NECAB1: variants seen among roughly 807,000 people sequenced by gnomAD.
The protein encoded by NECAB1 is N-terminal EF-hand calcium-binding protein 1.
A neutral mutation model predicts 57.5 loss-of-function variants in NECAB1; 29 were observed. The observed-to-expected ratio is 0.50, with a 90% CI of 0.38 to 0.69. The LOEUF (loss-of-function observed/expected upper bound fraction) is 0.69. Among genes scored for constraint, NECAB1 ranks in the 30% least tolerant of loss-of-function variants. NECAB1 has a pLI of 0.00. For missense variants in NECAB1, 372 were observed against 413.8 expected (o/e 0.90, Z 0.88); for synonymous variants, 142 against 147.7 (o/e 0.96, Z 0.28).
intron 6 of NECAB1, among the ~76,000 whole-genome samples, chr8:90,919,628 G>T (rs1170170063): frequency 6.6e-6 from 1 of 152,040 alleles, no homozygotes; most frequent in Admixed American, 6.6e-5. Flanking sequence ...ATACCAAATG[G>T]CAAAGTATAA....
Position 90,896,930 on chromosome 8 carries a change from C to G in NECAB1, c.357+15800C>G, listed in dbSNP as rs559311437. On this transcript the variant is annotated intron_variant, in intron 5 of 12. Coordinates refer to ENST00000417640, the MANE Select transcript of NECAB1 (RefSeq NM_022351.5). ...TTAGAATTAGTTTAGCCTGTGAGGT[C>G]TAACCCTAGCCAATAGGGGAACGAC... is the stretch of plus-strand genomic sequence containing the variant. 4.6e-5 allele frequency among the ~76,000 whole-genome samples: 7 copies of G among 152,274 alleles called. No individual in the cohort carries two copies. The South Asian group carries it at 1.5e-3, about 32-fold the overall frequency.
In NECAB1 at chr8:90,844,806, C is replaced by T. The variant is rs373117098; in HGVS notation, c.233+19981C>T. On this transcript the variant is annotated intron_variant, in intron 3 of 12. Coordinates refer to ENST00000417640, the MANE Select transcript of NECAB1 (RefSeq NM_022351.5). ...AGCTACGTTCTTCTAAATCTTTTCT[C>T]TTACACCTGGGTCTAGACTTTTTTA... Among the ~76,000 whole-genome samples, 12 of 152,186 alleles carry T rather than the reference C, an allele frequency of 7.9e-5. No homozygotes were observed. The East Asian group carries it at 1.5e-3, about 19-fold the overall frequency.
rs536315542 is a variant in NECAB1, at chr8:90,872,185, T to C, written c.259+32T>C. 7.0e-5 allele frequency: 105 copies of C among 1,507,776 alleles called. 2 individuals carry two copies. The South Asian group carries it at 1.2e-3, about 17-fold the overall frequency. The allele number at this position is 1,507,776 out of a possible 1,614,324, so 93.4% of individuals were successfully genotyped here. On this transcript the variant is annotated intron_variant, in intron 4 of 12. Coordinates refer to ENST00000417640, the MANE Select transcript of NECAB1 (RefSeq NM_022351.5). ...GTTTCTTTAAGATCAGTCAAACCTA[T>C]TACTTGCTTAAGAAGGAAAAAGAGT...
intron 9 of NECAB1, among the ~76,000 whole-genome samples, chr8:90,937,670 A>C (rs1810569794): frequency 6.6e-6 from 1 of 152,182 alleles, no homozygotes; most frequent in South Asian, 2.1e-4. Flanking sequence ...TCTTCATTCA[A>C]AGGTTTTTAA....
At chr8:90,890,661 T>A (rs1000729540) in intron 5 of NECAB1, among the ~76,000 whole-genome samples, 9 of 152,154 alleles carry the variant, frequency 5.9e-5, no homozygotes, top group Admixed American at 1.3e-4. Context: ...ATGGTCACCC[T>A]AAAACAAGTT....
rs368596425 is a variant in NECAB1 at position 90,932,572 on chromosome 8, T to A, written c.694-1732T>A. On this transcript the variant is annotated intron_variant, in intron 8 of 12. Coordinates refer to ENST00000417640, the MANE Select transcript of NECAB1 (RefSeq NM_022351.5). ...TGATATTCGAGTTGAGATGTGAAAG[T>A]CAAGAAGAAGGCAGCTATGTAAAGA... Among the ~76,000 whole-genome samples, 7 of 152,236 alleles carry A rather than the reference T, an allele frequency of 4.6e-5. No individual in the cohort carries two copies. The East Asian group carries it at 5.8e-4, about 13-fold the overall frequency.
intron 3 of NECAB1, among the ~76,000 whole-genome samples, chr8:90,825,572 A>G (rs1586042786): frequency 1.3e-5 from 2 of 151,824 alleles, no homozygotes; most frequent in Non-Finnish European, 2.9e-5. Context: ...CAGTGTGTCC[A>G]TTGCTTGAAA....
chr8:90,843,140 CA>C (rs1812484066), intron 3 of NECAB1, among the ~76,000 whole-genome samples: 1 of 152,132 alleles, frequency 6.6e-6, no homozygotes, highest in South Asian at 2.1e-4. Flanking sequence ...ATAAAACCAT[CA>C]GATCTTGTGA....
intron 3 of NECAB1, among the ~76,000 whole-genome samples, chr8:90,844,273 G>A (rs1563502800): frequency 6.6e-6 from 1 of 151,978 alleles, no homozygotes; most frequent in Non-Finnish European, 1.5e-5. Context: ...CTTGACCTTT[G>A]GTTAGTAGTT....
At chr8:90,944,807 A>G (rs576091854) in intron 10 of NECAB1, among the ~76,000 whole-genome samples, 21 of 152,346 alleles carry the variant, frequency 1.4e-4, no homozygotes, top group Non-Finnish European at 2.8e-4. Flanking sequence ...TCAAGGGCCT[A>G]AGGAATATGA....
At chr8:90,932,749 T>G (rs1424470463) in intron 8 of NECAB1, among the ~76,000 whole-genome samples, 4 of 152,218 alleles carry the variant, frequency 2.6e-5, no homozygotes, top group Non-Finnish European at 5.9e-5. Flanking sequence ...AGTCTGGATT[T>G]CTACAGTTTT....
At chr8:90,919,365 C>G (rs1308490440) in intron 6 of NECAB1, among the ~76,000 whole-genome samples, 1 of 152,170 alleles carries the variant, frequency 6.6e-6, no homozygotes, top group Non-Finnish European at 1.5e-5. Context: ...AATAGACTAC[C>G]CTGCAGGACC....
At chr8:90,877,703 T>C (rs1006662942) in intron 4 of NECAB1, among the ~76,000 whole-genome samples, 2 of 152,202 alleles carry the variant, frequency 1.3e-5, no homozygotes, top group African/African-American at 2.4e-5. Context: ...AGGATTCTGA[T>C]GCAGGTGGTC....
At chr8:90,894,239 T>G (rs1398536901) in intron 5 of NECAB1, among the ~76,000 whole-genome samples, 1 of 152,208 alleles carries the variant, frequency 6.6e-6, no homozygotes, top group Non-Finnish European at 1.5e-5. Context: ...CAGAGACCAA[T>G]TCTTCCTTAA....
At chr8:90,877,356 G>A (rs748726315) in intron 4 of NECAB1, among the ~76,000 whole-genome samples, 20 of 152,060 alleles carry the variant, frequency 1.3e-4, no homozygotes, top group Non-Finnish European at 2.9e-4. Context: ...TCTGATAGGA[G>A]AATTTGAGGA....
chr8:90,813,928 A>T (rs1441119177), intron 2 of NECAB1, among the ~76,000 whole-genome samples: 4 of 152,244 alleles, frequency 2.6e-5, no homozygotes, highest in African/African-American at 9.6e-5. Context: ...TTAGTATGGT[A>T]CATTTGTTGT....
intron 2 of NECAB1, among the ~76,000 whole-genome samples, chr8:90,807,156 C>T (rs1289759071): frequency 6.6e-6 from 1 of 152,068 alleles, no homozygotes; most frequent in South Asian, 2.1e-4. Flanking sequence ...TTTGATGTTT[C>T]CTTGGTAGTC....
chr8:90,906,907 A>ATATATGTATATATATATATATATATG (rs1809690104), intron 5 of NECAB1, among the ~76,000 whole-genome samples: 1 of 57,306 alleles, frequency 1.7e-5, no homozygotes, highest in African/African-American at 1.0e-4. Flanking sequence ...ATATATATAT[A>ATATATGTATATATATATATATATATG]TATCTTCTCA....
chr8:90,896,661 T>C (rs1025722914), intron 5 of NECAB1, among the ~76,000 whole-genome samples: 15 of 152,180 alleles, frequency 9.9e-5, no homozygotes, highest in African/African-American at 3.6e-4. Context: ...AATACGTCAG[T>C]ATGTTCAATT....
Sources: allele counts gnomAD v4.1 joint callset (sites outside exome capture counted in the v4.1 genomes callset), GRCh38; gene constraint gnomAD v4.1.1; transcripts MANE v1.5; gene names NCBI Gene and HGNC (gene_info 2026-07-23, HGNC 2026-07-21).